SARDH: variants seen among roughly 807,000 people sequenced by gnomAD.
The protein encoded by SARDH is sarcosine dehydrogenase, also known as sarcosine dehydrogenase, mitochondrial.
In SARDH, 95 loss-of-function variants were observed where a neutral mutation model predicts 109.1. The ratio of observed to expected loss-of-function variants is 0.87; its 90% confidence interval spans 0.74 to 1.03. SARDH has a LOEUF of 1.03. Ranked by LOEUF, SARDH falls within the 50% of genes least tolerant of loss-of-function variation. SARDH has a pLI of 0.00. For synonymous variants in SARDH, 572 were observed against 534.8 expected (o/e 1.07, Z -0.96); for missense variants, 1,267 against 1,287.8 (o/e 0.98, Z 0.25).
At position 133,666,711 on chromosome 9, in the gene SARDH, G is replaced by T; in HGVS notation, c.2631+24C>A. ...TGGTGAGGGATCGGCATCTGCCTTA[G>T]CAGGGCCAGAGAAGGGGACTCACCG... On this transcript the variant is annotated intron_variant, in intron 20 of 20. Coordinates refer to ENST00000439388, the MANE Select transcript of SARDH (RefSeq NM_001134707.2). This position sits in a 1 kb window ranked among gnomAD's most constrained non-coding sequence, Gnocchi z 5.2. 2 of 1,573,414 alleles carry T rather than the reference G, an allele frequency of 1.3e-6. No individual in the cohort carries two copies. The highest frequency in any genetic ancestry group is 1.7e-6 in the Non-Finnish European group (2 of 1,159,802).
intron 6 of SARDH, among the ~76,000 whole-genome samples, chr9:133,729,086 A>T (rs1455339981): frequency 2.0e-5 from 3 of 151,652 alleles, no homozygotes; most frequent in Non-Finnish European, 4.4e-5. Flanking sequence ...TAAATGGGAG[A>T]AGGCATGGAT....
Position 133,666,715 on chromosome 9 carries a change from G to C in SARDH, c.2631+20C>G, listed in dbSNP as rs1193377295. On this transcript the variant is annotated intron_variant, in intron 20 of 20. Coordinates refer to ENST00000439388, the MANE Select transcript of SARDH (RefSeq NM_001134707.2). The surrounding 1 kb of genome is among the most constrained non-coding windows in gnomAD (Gnocchi z 5.2). ...GAGGGATCGGCATCTGCCTTAGCAG[G>C]GCCAGAGAAGGGGACTCACCGGCCC... The C allele has an allele frequency of 1.3e-6, 2 of 1,576,390 alleles. No individual in the cohort carries two copies. Among genetic ancestry groups the C allele is most frequent in the Non-Finnish European group, 1.7e-6 (2 of 1,161,514 alleles).
chr9:133,677,111 C>A (rs761523051), intron 17 of SARDH, among the ~76,000 whole-genome samples: 8 of 152,168 alleles, frequency 5.3e-5, no homozygotes, highest in Non-Finnish European at 1.2e-4. Context: ...TGCACTCCAG[C>A]CTGGGCAACA....
intron 4 of SARDH, among the ~76,000 whole-genome samples, chr9:133,730,977 A>G (rs563478140): frequency 6.6e-6 from 1 of 152,336 alleles, no homozygotes; most frequent in South Asian, 2.1e-4. Context: ...ATACTGTCTC[A>G]AACAAACAAA....
upstream of SARDH, among the ~76,000 whole-genome samples, chr9:133,739,186 T>C (rs1400438153): frequency 1.3e-5 from 2 of 152,178 alleles, no homozygotes; most frequent in Non-Finnish European, 2.9e-5. Flanking sequence ...CAGGTGCTGA[T>C]GGAAAGTCAC....
intron 6 of SARDH, among the ~76,000 whole-genome samples, chr9:133,721,687 G>A (rs1222026972): frequency 2.0e-5 from 3 of 152,190 alleles, no homozygotes; most frequent in Non-Finnish European, 2.9e-5. Context: ...TCAGAAAATA[G>A]TATCAATAGT....
chr9:133,737,055 G>T (rs759374594), intron 1 of SARDH, among the ~76,000 whole-genome samples: 2 of 152,216 alleles, frequency 1.3e-5, no homozygotes, highest in Admixed American at 6.5e-5. Context: ...GGGCCTCCAT[G>T]TGGCAGTGCC....
rs1330328805 is a variant in SARDH, at chr9:133,718,732, G to T, written c.1020+206C>A. 1.3e-6 allele frequency: 1 copy of T among 780,010 alleles called. No homozygotes were observed. The highest frequency in any genetic ancestry group is 1.3e-5 in the South Asian group (1 of 74,628). 48.3% of individuals were successfully genotyped at this position (780,010 alleles called of 1,614,324 possible). ...GGATGTTTTGAGGCAAAGCCCTCCA[G>T]CTGCCCTGGGTCTGTATTTGACTGC... is the stretch of plus-strand genomic sequence containing the variant. On this transcript the variant is annotated intron_variant, in intron 7 of 20. Transcript: ENST00000439388. This position sits in a 1 kb window ranked among gnomAD's most constrained non-coding sequence, Gnocchi z 4.2.
upstream of SARDH, chr9:133,739,924 C>A (rs1047672947): frequency 6.6e-6 from 1 of 152,300 alleles, no homozygotes; most frequent in Non-Finnish European, 1.5e-5. Context: ...CCACACTTCT[C>A]CTGTCCCTGC....
chr9:133,667,458 G>A (rs1382495071), intron 19 of SARDH, among the ~76,000 whole-genome samples: 4 of 151,758 alleles, frequency 2.6e-5, no homozygotes, highest in Non-Finnish European at 4.4e-5. Flanking sequence ...GAGCCACTGC[G>A]CCCGGCCAGG....
chr9:133,720,468 A>G (rs1832285168), intron 6 of SARDH, among the ~76,000 whole-genome samples: 1 of 152,224 alleles, frequency 6.6e-6, no homozygotes, highest in Non-Finnish European at 1.5e-5. Context: ...AACATCAGGA[A>G]TACAAGAAGA....
intron 17 of SARDH, among the ~76,000 whole-genome samples, chr9:133,681,252 C>A (rs1269282375): frequency 1.3e-5 from 2 of 152,194 alleles, no homozygotes; most frequent in African/African-American, 4.8e-5. Context: ...CTGATGTGGG[C>A]TCCCGGCTCG....
chr9:133,670,461 G>C (rs955281113), intron 19 of SARDH, 123 bp downstream of exon 19: 1 of 1,100,704 alleles, frequency 9.1e-7, no homozygotes, highest in Non-Finnish European at 1.3e-6. Flanking sequence ...CGTTCTGGAA[G>C]AGCATGGCTG....
At position 133,729,847 on chromosome 9, in the gene SARDH, A is replaced by G; in HGVS notation, c.833T>C (p.Val278Ala). Residue 278 changes from valine to alanine, a missense_variant, in exon 6 of 21, where the codon GTG (valine) becomes GCG (alanine). Coordinates refer to ENST00000439388, the MANE Select transcript of SARDH (RefSeq NM_001134707.2). ...VNCAGVWASA[V>A]GRMAGVKVPL... ...GACCTTGACTCCAGCCATCCGGCCCACAGCACTTGCCCACACTCCTGCGGG... is the reference window on the plus strand; with the variant it reads ...GACCTTGACTCCAGCCATCCGGCCCGCAGCACTTGCCCACACTCCTGCGGG... 1 of 1,612,088 alleles carries G rather than the reference A, an allele frequency of 6.2e-7. No individual in the cohort carries two copies. The highest frequency in any genetic ancestry group is 8.5e-7 in the Non-Finnish European group (1 of 1,179,998).
intron 4 of SARDH, among the ~76,000 whole-genome samples, chr9:133,730,927 T>A (rs2427978): frequency 0.84 from 127,444 of 152,184 alleles, 54,266 homozygotes; most frequent in Admixed American, 0.91. Context: ...CAGTGAGCAG[T>A]GATCATGCCA....
At chr9:133,691,051 G>A (rs961223906) in intron 15 of SARDH, among the ~76,000 whole-genome samples, 1 of 152,158 alleles carries the variant, frequency 6.6e-6, no homozygotes, top group Admixed American at 6.5e-5. Context: ...AAGCACAACA[G>A]AGAATGAAGG....
chr9:133,730,763 G>A (rs1229790972), intron 4 of SARDH, among the ~76,000 whole-genome samples: 2 of 152,054 alleles, frequency 1.3e-5, no homozygotes, highest in Admixed American at 6.6e-5. Flanking sequence ...GGATCACGAG[G>A]TCAGGAGATC....
chr9:133,717,652 T>TCCCCA (rs1832177535), intron 7 of SARDH, among the ~76,000 whole-genome samples, 197 bp from the exon 8 acceptor site: 1 of 89,154 alleles, frequency 1.1e-5, no homozygotes, highest in African/African-American at 4.4e-5. Flanking sequence ...CTGCTCCCCC[T>TCCCCA]CCCCACCCCA....
intron 6 of SARDH, 29 bp downstream of exon 6, chr9:133,729,736 T>C: frequency 6.3e-7 from 1 of 1,594,738 alleles, no homozygotes; most frequent in Non-Finnish European, 8.6e-7. Context: ...CCCCACAGAC[T>C]GACACAGAAC....
Sources: gnomAD v4.1 joint callset for allele counts (sites outside exome capture counted in the v4.1 genomes callset) on GRCh38, gnomAD v4.1.1 for gene constraint, Gnocchi (gnomAD v3.1) non-coding constraint, MANE v1.5 for transcripts, NCBI Gene and HGNC (gene_info 2026-07-23, HGNC 2026-07-21) for gene names.